The following GSE1 variants were observed in gnomAD, a reference collection of about 807,000 sequenced individuals.
The protein encoded by GSE1 is Gse1 coiled-coil protein.
Under a neutral mutation model 112.6 loss-of-function variants are expected in GSE1, and 32 were observed. The ratio of observed to expected loss-of-function variants is 0.28; its 90% CI spans 0.21 to 0.38. The LOEUF is 0.38. Among genes scored for constraint, GSE1 ranks in the 10% least tolerant of loss-of-function variants. GSE1 has a pLI of 1.00. For missense variants in GSE1, 2,348 were observed against 1,699.2 expected, an observed-to-expected ratio of 1.38 and a Z score of -6.71; for synonymous variants, 1,115 against 735.6, an observed-to-expected ratio of 1.52 and a Z score of -8.35.
At chr16:85,206,278 G>A (rs117320193) in intron 1 of GSE1, among the ~76,000 whole-genome samples, 24 of 152,244 alleles carry the variant, frequency 1.6e-4, no homozygotes, top group Non-Finnish European at 3.2e-4. Flanking sequence ...AGCCCGGGCC[G>A]GAGACCTTCT....
intron 1 of GSE1, among the ~76,000 whole-genome samples, chr16:85,296,774 A>C (rs555673916): frequency 6.6e-6 from 1 of 151,538 alleles, no homozygotes; most frequent in African/African-American, 2.4e-5. Flanking sequence ...AACTCCTTCC[A>C]TTCTTACAGA....
In GSE1 at chr16:85,302,750, A is replaced by G. The variant is rs150970138; in HGVS notation, c.2284-54713A>G. ...GGGGGCCCAGGCATCTGAACCTGAG[A>G]ACGTGATGAGCTCCAGGAGGTCAAT... On this transcript the variant is annotated intron_variant, in intron 1 of 2. Coordinates refer to the GSE1 transcript ENST00000637419. 5.7e-3 allele frequency among the ~76,000 whole-genome samples: 862 copies of G among 152,278 alleles called. 5 individuals are homozygous for G. The highest frequency in any genetic ancestry group is 0.014 in the Middle Eastern group (4 of 294).
chr16:85,491,992 G>A (rs866629914), intron 2 of GSE1, among the ~76,000 whole-genome samples: 16 of 152,148 alleles, frequency 1.1e-4, no homozygotes, highest in Admixed American at 2.6e-4. Flanking sequence ...GCATCTTTCT[G>A]CTTACCTGGG....
chr16:85,642,772 A>C (rs1035147208), intron 2 of GSE1, among the ~76,000 whole-genome samples: 4 of 152,222 alleles, frequency 2.6e-5, no homozygotes, highest in African/African-American at 9.6e-5. Context: ...GGGGCCGTGC[A>C]GAACAGCGGC....
At chr16:85,219,071 G>A (rs1340331633) in intron 1 of GSE1, among the ~76,000 whole-genome samples, 1 of 152,126 alleles carries the variant, frequency 6.6e-6, no homozygotes, top group Non-Finnish European at 1.5e-5. Context: ...AGTAGAGACG[G>A]GGTTTCACCA....
intron 1 of GSE1, among the ~76,000 whole-genome samples, chr16:85,255,937 C>G (rs1907029533): frequency 1.3e-5 from 2 of 152,070 alleles, no homozygotes; most frequent in Admixed American, 1.3e-4. Flanking sequence ...GTCCTCCTAC[C>G]ACAGCCTCCC....
intron 1 of GSE1, among the ~76,000 whole-genome samples, chr16:85,618,873 A>G (rs2048546051): frequency 3.3e-5 from 5 of 152,336 alleles, no homozygotes; most frequent in Admixed American, 3.3e-4. Context: ...TGTGTTGCCC[A>G]GGGTGGTCTC....
chr16:85,499,333 CAG>C (rs1044593702), intron 2 of GSE1, among the ~76,000 whole-genome samples: 2 of 101,816 alleles, frequency 2.0e-5, no homozygotes, highest in African/African-American at 7.8e-5. Flanking sequence ...TTTTTTGAGA[CAG>C]AGTCTCACTC....
intron 2 of GSE1, among the ~76,000 whole-genome samples, chr16:85,481,116 C>T (rs1050149938): frequency 2.0e-5 from 3 of 152,258 alleles, no homozygotes; most frequent in Non-Finnish European, 4.4e-5. Flanking sequence ...GGGACAGCCA[C>T]GCCTCGCTTC....
At chr16:85,559,408 C>T (rs573167415) in intron 1 of GSE1, among the ~76,000 whole-genome samples, 133 of 152,326 alleles carry the variant, frequency 8.7e-4, no homozygotes, top group African/African-American at 3.2e-3. Flanking sequence ...TTGCTTCGGG[C>T]CTGTGGTTCT....
chr16:85,499,599 C>T (rs981760854), intron 2 of GSE1, among the ~76,000 whole-genome samples: 4 of 152,148 alleles, frequency 2.6e-5, no homozygotes, highest in African/African-American at 9.7e-5. Context: ...AGCCACCACA[C>T]CCAGCAGAAA....
At position 85,361,551 on chromosome 16, in the gene GSE1, TGGCACTGGCTGGG is replaced by T. The variant is rs537220164; in HGVS notation, c.2464+3910_2464+3922del. Among the ~76,000 whole-genome samples the T allele has an allele frequency of 2.0e-5, 3 of 152,316 alleles. No homozygotes were observed. The East Asian group carries it at 5.8e-4, about 29-fold the overall frequency. ...GCCCCCTGCCATGGTGGCCCCACCC[TGGCACTGGCTGGG>T]GCAGGAGCCTTTACCAGCAGTGGGG... On this transcript the variant is annotated intron_variant, in intron 2 of 2. Transcript: ENST00000637419.
chr16:85,672,644 G>T lies in GSE1; in HGVS notation c.*105G>T. On this transcript the variant is annotated 3_prime_UTR_variant, in exon 16 of 16. Transcript: ENST00000253458. ...CTGGGAGGTTTGAAGCTTACAAAAT[G>T]AGAATGTGCCATGCATGAAGCAAAG... 1 of 790,496 alleles carries T rather than the reference G, an allele frequency of 1.3e-6. No homozygotes were observed. Among genetic ancestry groups the T allele is most frequent in the Admixed American group, 3.2e-5 (1 of 30,974 alleles). The allele number at this position is 790,496 out of a possible 1,614,324, so 49.0% of individuals were successfully genotyped here. A position where few individuals can be genotyped will look rare whatever the true frequency, so the allele number is the denominator to read the frequency against.
intron 1 of GSE1, among the ~76,000 whole-genome samples, chr16:85,632,264 C>G (rs1437438832): frequency 6.6e-6 from 1 of 152,206 alleles, no homozygotes; most frequent in Non-Finnish European, 1.5e-5. Context: ...ATGGGGCTCT[C>G]AGGGGTCCTT....
intron 1 of GSE1, among the ~76,000 whole-genome samples, chr16:85,564,951 G>A (rs1467235349): frequency 1.3e-5 from 2 of 152,186 alleles, no homozygotes; most frequent in Non-Finnish European, 2.9e-5. Flanking sequence ...TTAGGGGTGG[G>A]GAGAGTGTGG....
intron 1 of GSE1, among the ~76,000 whole-genome samples, chr16:85,274,778 G>T (rs1455539701): frequency 6.6e-6 from 1 of 152,222 alleles, no homozygotes; most frequent in Non-Finnish European, 1.5e-5. Context: ...CCAGCCACTG[G>T]CACCTGCCCC....
At chr16:85,208,782 G>A (rs1326226928) in intron 1 of GSE1, among the ~76,000 whole-genome samples, 4 of 151,674 alleles carry the variant, frequency 2.6e-5, no homozygotes, top group South Asian at 2.1e-4. Context: ...GGGGTTCGCC[G>A]CGTGTTGGGG....
At chr16:85,587,181 C>T (rs1046634866) in intron 1 of GSE1, among the ~76,000 whole-genome samples, 1 of 149,164 alleles carries the variant, frequency 6.7e-6, no homozygotes, top group Non-Finnish European at 1.5e-5. Flanking sequence ...CCCCCCCCCC[C>T]AGACCAGACC....
chr16:85,395,916 C>T (rs1379829284), intron 2 of GSE1, among the ~76,000 whole-genome samples: 5 of 152,134 alleles, frequency 3.3e-5, no homozygotes, highest in African/African-American at 7.2e-5. Flanking sequence ...TGAGGAGTCC[C>T]GGCGGCCTGA....
Sources: gnomAD v4.1 joint callset for allele counts (sites outside exome capture counted in the v4.1 genomes callset) on GRCh38, gnomAD v4.1.1 for gene constraint, MANE v1.5 for transcripts, NCBI Gene and HGNC (gene_info 2026-07-23, HGNC 2026-07-21) for gene names.